Variants in PIK3C3 observed in about 807,000 individuals in gnomAD.
The protein encoded by PIK3C3 is phosphatidylinositol 3-kinase catalytic subunit type 3.
A neutral mutation model predicts 126.1 loss-of-function variants in PIK3C3; 95 were observed. That is an observed-to-expected ratio of 0.75 (90% CI 0.64 to 0.89). The LOEUF (loss-of-function observed/expected upper bound fraction) is 0.89. Ranked by LOEUF, PIK3C3 falls within the 40% of genes least tolerant of loss-of-function variation. The pLI, the probability that PIK3C3 is intolerant of heterozygous loss-of-function variation, is 0.00. For synonymous variants in PIK3C3, 374 were observed against 360.0 expected (o/e 1.04, Z -0.44); for missense variants, 829 against 1,063.2 (o/e 0.78, Z 3.06).
At chr18:42,076,146 G>A (rs28678793) in intron 24 of PIK3C3, among the ~76,000 whole-genome samples, 10,372 of 31,788 alleles carry the variant, frequency 0.33, 1,950 homozygotes, top group African/African-American at 0.57. Context: ...ATATATATGC[G>A]CATATATATA....
At chr18:42,047,981 T>A (rs186176558) in intron 20 of PIK3C3, among the ~76,000 whole-genome samples, 29 of 152,292 alleles carry the variant, frequency 1.9e-4, no homozygotes, top group African/African-American at 6.5e-4. Flanking sequence ...TTGTAATGCT[T>A]AAACCAGTGT....
intron 24 of PIK3C3, among the ~76,000 whole-genome samples, chr18:42,076,556 T>G (rs981510454): frequency 1.3e-5 from 2 of 152,152 alleles, no homozygotes; most frequent in African/African-American, 4.8e-5. Context: ...CTTGTTCCAC[T>G]GCAGTCAGCA....
chr18:41,958,078 A>G (rs35617320), intron 2 of PIK3C3, among the ~76,000 whole-genome samples: 11,890 of 152,276 alleles, frequency 0.078, 580 homozygotes, highest in Non-Finnish European at 0.11. Flanking sequence ...TGAATGCATA[A>G]ATACTTCTGG....
rs1983088090 is a variant in PIK3C3 at position 42,016,653 on chromosome 18, A to G, written c.1416+1087A>G. Among the ~76,000 whole-genome samples, 4 of 152,270 alleles carry G rather than the reference A, an allele frequency of 2.6e-5. No individual in the cohort carries two copies. In the South Asian group the frequency reaches 8.3e-4, roughly 32 times the overall value. ...GGCTATCTGGGGAAGAGCATTTCAG[A>G]TAGAGGGAGTAGCAAGTATAGAGGT... On this transcript the variant is annotated intron_variant, in intron 12 of 24. Transcript: ENST00000262039.
intron 5 of PIK3C3, among the ~76,000 whole-genome samples, 171 bp downstream of exon 5, chr18:41,988,069 C>G (rs74642157): frequency 3.6e-4 from 55 of 152,198 alleles, no homozygotes; most frequent in Non-Finnish European, 7.4e-4. Context: ...TCAGCCTTCC[C>G]TATATTTTAA....
intron 22 of PIK3C3, among the ~76,000 whole-genome samples, chr18:42,061,631 G>T (rs1449176565): frequency 6.6e-6 from 1 of 152,064 alleles, no homozygotes; most frequent in Admixed American, 6.5e-5. Context: ...GACATTAAAT[G>T]ACTGTCCTAT....
rs1986239300 is a variant in PIK3C3 at position 42,081,253 on chromosome 18, G to A, written c.*116G>A. ...AAGGAAGAGAAATCTTAATCTTCAA[G>A]TTACCATATTTTCCAAATATTACAT... On this transcript the variant is annotated 3_prime_UTR_variant, in exon 25 of 25. Transcript: ENST00000262039. 1 of 639,970 alleles carries A rather than the reference G, an allele frequency of 1.6e-6. No homozygotes were observed. Among genetic ancestry groups the A allele is most frequent in the East Asian group, 2.8e-5 (1 of 35,258 alleles). 39.6% of individuals were successfully genotyped at this position (639,970 alleles called of 1,614,324 possible).
intron 13 of PIK3C3, among the ~76,000 whole-genome samples, chr18:42,024,054 T>G (rs1983444599): frequency 6.6e-6 from 1 of 152,214 alleles, no homozygotes; most frequent in Non-Finnish European, 1.5e-5. Context: ...TTTATTTTTA[T>G]AGTCATTCTA....
chr18:41,985,568 G>C (rs568178942), intron 4 of PIK3C3, among the ~76,000 whole-genome samples: 1 of 152,106 alleles, frequency 6.6e-6, no homozygotes, highest in African/African-American at 2.4e-5. Context: ...TTCATAGTGT[G>C]TGTGTACTCT....
chr18:41,981,235 G>A (rs1300619789), intron 4 of PIK3C3, among the ~76,000 whole-genome samples: 1 of 152,084 alleles, frequency 6.6e-6, no homozygotes, highest in Non-Finnish European at 1.5e-5. Context: ...AGAAGTTTTG[G>A]ATTTGTCTGG....
Position 42,038,811 on chromosome 18 carries a change from T to C in PIK3C3, c.1999T>C (p.Leu667=). The C allele has an allele frequency of 6.2e-7, 1 of 1,607,218 alleles. No homozygotes were observed. ...LLRKENLDLK[L]TPYKVLATST... ...ACGGAAAGAAAATCTGGACTTGAAA[T>C]TGACACCTTATAAGGTGTTAGCCAC... The change falls in exon 18 of 25, where the codon TTG becomes CTG. Residue 667 remains leucine, a synonymous_variant. Coordinates refer to ENST00000262039, the MANE Select transcript of PIK3C3 (RefSeq NM_002647.4).
intron 13 of PIK3C3, among the ~76,000 whole-genome samples, chr18:42,021,350 T>G (rs1567986855): frequency 6.6e-6 from 1 of 152,188 alleles, no homozygotes; most frequent in East Asian, 1.9e-4. Context: ...TGAGGCACAG[T>G]TAATATGAAG....
At chr18:41,965,291 T>C (rs1420544642) in intron 3 of PIK3C3, among the ~76,000 whole-genome samples, 1 of 152,230 alleles carries the variant, frequency 6.6e-6, no homozygotes, top group African/African-American at 2.4e-5. Context: ...TTAGTACTCA[T>C]GCATTTTAGG....
intron 3 of PIK3C3, among the ~76,000 whole-genome samples, chr18:41,966,091 C>T (rs897188778): frequency 5.3e-5 from 8 of 151,984 alleles, no homozygotes; most frequent in African/African-American, 1.9e-4. Flanking sequence ...GAAATTATCT[C>T]ACTTAGAGCT....
At position 42,086,730 on chromosome 18, in the gene PIK3C3, A is replaced by G. The variant is rs1475617921; in HGVS notation, c.*5593A>G. 6.6e-6 allele frequency: 1 copy of G among 152,230 alleles called. No homozygotes were observed. Among genetic ancestry groups the G allele is most frequent in the African/African-American group, 2.4e-5 (1 of 41,464 alleles). 9.4% of individuals were successfully genotyped at this position (152,230 alleles called of 1,614,324 possible). On this transcript the variant is annotated 3_prime_UTR_variant, in exon 25 of 25. Coordinates refer to ENST00000262039, the MANE Select transcript of PIK3C3 (RefSeq NM_002647.4). Reference sequence around the variant, plus strand: ...CCCTATATGGTCTAAAAAGGGGAGGAACCCTCAGTTCTGAGAATTTCCTTG... The same window carrying G: ...CCCTATATGGTCTAAAAAGGGGAGGGACCCTCAGTTCTGAGAATTTCCTTG...
intron 21 of PIK3C3, among the ~76,000 whole-genome samples, chr18:42,054,163 T>G (rs1304331736): frequency 2.3e-5 from 1 of 43,376 alleles, no homozygotes. Context: ...TATATATATA[T>G]ATATATATAT....
intron 5 of PIK3C3, among the ~76,000 whole-genome samples, chr18:41,988,124 T>C (rs1981588861): frequency 6.8e-6 from 1 of 146,690 alleles, no homozygotes; most frequent in Non-Finnish European, 1.5e-5. Context: ...TCAAAGATGT[T>C]CTAAATATCA....
chr18:41,963,549 T>C (rs181512108), intron 3 of PIK3C3, among the ~76,000 whole-genome samples: 3 of 152,324 alleles, frequency 2.0e-5, no homozygotes, highest in Non-Finnish European at 4.4e-5. Context: ...CAGGCTCATT[T>C]GGTAATTTTC....
intron 20 of PIK3C3, among the ~76,000 whole-genome samples, chr18:42,044,656 G>A (rs1193900636): frequency 6.6e-6 from 1 of 152,058 alleles, no homozygotes; most frequent in Non-Finnish European, 1.5e-5. Flanking sequence ...GGGCTCAAAC[G>A]ATCACCACCT....
Sources: gnomAD v4.1 joint callset for allele counts (sites outside exome capture counted in the v4.1 genomes callset) on GRCh38, gnomAD v4.1.1 for gene constraint, MANE v1.5 for transcripts, NCBI Gene and HGNC (gene_info 2026-07-23, HGNC 2026-07-21) for gene names.